Variants in PTBP3 observed in about 807,000 individuals in gnomAD.
PTBP3 encodes the protein polypyrimidine tract binding protein 3.
PTBP3 carries 20 observed loss-of-function variants against 58.7 expected under a neutral mutation model. The observed-to-expected ratio is 0.34, with a 90% CI of 0.24 to 0.50. The LOEUF is 0.50. Ranked by LOEUF, PTBP3 falls within the 20% of genes least tolerant of loss-of-function variation. The probability of loss-of-function intolerance (pLI) is 0.98; values close to 1 mark genes in which losing one functional copy is unlikely to be tolerated. For missense variants in PTBP3, 509 were observed against 637.2 expected (o/e 0.80, Z 2.17); for synonymous variants, 185 against 219.8 (o/e 0.84, Z 1.40).
rs1380485185 is a variant in PTBP3 at position 112,245,255 on chromosome 9, A to G, written c.802+5674T>C. ...AACCCAGGAGGCAAAGGCTGCAGCG[A>G]GCCCAGATTGTACCACTGCATTCCA... is the stretch of plus-strand genomic sequence containing the variant. On this transcript the variant is annotated intron_variant, in intron 7 of 13. Coordinates refer to ENST00000374257, the MANE Select transcript of PTBP3 (RefSeq NM_001163788.4). Among the ~76,000 whole-genome samples, 3 of 152,248 alleles carry G rather than the reference A, an allele frequency of 2.0e-5. No homozygotes were observed. The East Asian group carries it at 5.8e-4, about 29-fold the overall frequency.
intron 2 of PTBP3, among the ~76,000 whole-genome samples, chr9:112,291,497 T>C (rs377121660): frequency 1.3e-5 from 2 of 152,192 alleles, no homozygotes; most frequent in African/African-American, 4.8e-5. Context: ...TCAAACAGTA[T>C]GTTACTGACA....
Position 112,227,582 on chromosome 9 carries a change from C to A in PTBP3, c.1193G>T (p.Arg398Leu). Reference protein sequence around the residue: ...SGQRLYGKVLRATLSKHQAVQ... With the variant: ...SGQRLYGKVLLATLSKHQAVQ... ...TGCTTGATGTTTGGACAGTGTAGCA[C>A]GAAGCACTTTCCCATAAAGTCTCTG... The change falls in exon 12 of 14, where the codon CGT becomes CTT. Residue 398 changes from arginine (R) to leucine (L), a missense_variant. Physicochemically the swap from Arg to Leu is moderately radical, Grantham distance 102. Transcript: ENST00000374257. The A allele has an allele frequency of 1.9e-6, 3 of 1,613,842 alleles. No homozygotes were observed. Among genetic ancestry groups the A allele is most frequent in the Non-Finnish European group, 1.7e-6 (2 of 1,179,898 alleles).
At chr9:112,226,170 CATCTACTTTTA>C (rs1170626168) in intron 12 of PTBP3, among the ~76,000 whole-genome samples, 1 of 151,926 alleles carries the variant, frequency 6.6e-6, no homozygotes, top group African/African-American at 2.4e-5. Flanking sequence ...CGGTCCATGT[CATCTACTTTTA>C]ATCTACTTTT....
At chr9:112,259,848 G>C (rs1360108159) in intron 5 of PTBP3, among the ~76,000 whole-genome samples, 2 of 152,140 alleles carry the variant, frequency 1.3e-5, no homozygotes, top group Non-Finnish European at 2.9e-5. Context: ...TATGAAATTA[G>C]TGTCTTACCC....
In PTBP3 at chr9:112,299,019, A is replaced by G. The variant is rs143256771; in HGVS notation, c.-51-1103T>C. Among the ~76,000 whole-genome samples the G allele has an allele frequency of 6.6e-5, 10 of 152,278 alleles. No individual in the cohort carries two copies. The East Asian group carries it at 1.5e-3, about 23-fold the overall frequency. ...ACTTAAAGCACAGGTCTTCCTAATA[A>G]AATCTGAGATGTAGATATTATCAGG... On this transcript the variant is annotated intron_variant, in intron 1 of 13. Coordinates refer to ENST00000374257, the MANE Select transcript of PTBP3 (RefSeq NM_001163788.4).
chr9:112,230,043 A>T (rs1440057700), intron 10 of PTBP3, among the ~76,000 whole-genome samples: 1 of 152,210 alleles, frequency 6.6e-6, no homozygotes, highest in South Asian at 2.1e-4. Flanking sequence ...TCGGGCGTTG[A>T]AAATTTTCTA....
At chr9:112,337,341 C>T (rs4979103), upstream of PTBP3, among the ~76,000 whole-genome samples, 127,999 of 152,196 alleles carry the variant, frequency 0.84, 54,138 homozygotes, top group African/African-American at 0.93. Flanking sequence ...ATTCAAAGAA[C>T]TTATAGATTA....
chr9:112,227,889 G>GT (rs1051826660), intron 11 of PTBP3, among the ~76,000 whole-genome samples: 1 of 152,128 alleles, frequency 6.6e-6, no homozygotes, highest in African/African-American at 2.4e-5. Flanking sequence ...CTGGAACATA[G>GT]TAAGTATTCA....
the PTBP3 span, among the ~76,000 whole-genome samples, chr9:112,359,209 G>A: frequency 1.1e-3 from 174 of 152,010 alleles, 2 homozygotes; most frequent in East Asian, 0.032. Context: ...GGGAGGCCGA[G>A]GTGAGCGGAT....
chr9:112,288,683 C>CT (rs1163295760), intron 2 of PTBP3, among the ~76,000 whole-genome samples: 1 of 152,192 alleles, frequency 6.6e-6, no homozygotes, highest in Admixed American at 6.5e-5. Flanking sequence ...ATCTACAGAT[C>CT]TTTCACAAAT....
chr9:112,357,306 G>A, the PTBP3 span, among the ~76,000 whole-genome samples: 1 of 152,118 alleles, frequency 6.6e-6, no homozygotes, highest in Non-Finnish European at 1.5e-5. Context: ...ATTCCAATTT[G>A]TTAATTTCCA....
At chr9:112,351,960 T>C in the PTBP3 span, among the ~76,000 whole-genome samples, 3 of 152,098 alleles carry the variant, frequency 2.0e-5, no homozygotes, top group African/African-American at 4.8e-5. Context: ...CCTTTTTTTT[T>C]TTTCCCCCAA....
At chr9:112,247,436 G>C (rs969651651) in intron 7 of PTBP3, among the ~76,000 whole-genome samples, 2 of 151,406 alleles carry the variant, frequency 1.3e-5, no homozygotes, top group African/African-American at 2.4e-5. Context: ...TGTCATAAAA[G>C]ACATTATTTT....
chr9:112,223,831 G>A lies in PTBP3; in HGVS notation c.*20C>T, dbSNP rs763474445. The A allele has an allele frequency of 1.4e-5, 22 of 1,613,170 alleles. No homozygotes were observed. In the South Asian group the frequency reaches 2.1e-4, roughly 15 times the overall value. The stretch of plus-strand genomic sequence containing the variant: ...TACTGAAATTATGGTCCAGTTTTAG[G>A]AGAAAAATTCACAGAAAAGTCAGAT... On this transcript the variant is annotated 3_prime_UTR_variant, in exon 14 of 14. Transcript: ENST00000374257.
the PTBP3 span, among the ~76,000 whole-genome samples, chr9:112,351,633 T>C: frequency 6.6e-6 from 1 of 152,332 alleles, no homozygotes; most frequent in Non-Finnish European, 1.5e-5. Flanking sequence ...AGATGATTGG[T>C]CATTCTCCCT....
intron 6 of PTBP3, 148 bp downstream of exon 6, chr9:112,252,529 AC>A: frequency 6.3e-6 from 4 of 639,160 alleles, no homozygotes; most frequent in Non-Finnish European, 1.1e-5. Context: ...GAAAAAAAAA[AC>A]ATGGAATCAT....
intron 2 of PTBP3, among the ~76,000 whole-genome samples, chr9:112,285,808 T>C (rs1459623313): frequency 2.0e-5 from 3 of 152,234 alleles, no homozygotes; most frequent in Non-Finnish European, 4.4e-5. Context: ...AAGTGGGCAA[T>C]GGGATGGATT....
At chr9:112,377,392 T>C in the PTBP3 span, among the ~76,000 whole-genome samples, 7 of 152,144 alleles carry the variant, frequency 4.6e-5, no homozygotes, top group Non-Finnish European at 1.0e-4. Context: ...TAGACTGTCT[T>C]AGTATTTGAA....
chr9:112,256,282 TA>T (rs1836351273), intron 5 of PTBP3, among the ~76,000 whole-genome samples: 2 of 52,604 alleles, frequency 3.8e-5, no homozygotes, highest in Admixed American at 1.8e-4. Flanking sequence ...AATATATATA[TA>T]TATATATATA....
Sources: gnomAD v4.1 joint callset for allele counts (sites outside exome capture counted in the v4.1 genomes callset) on GRCh38, gnomAD v4.1.1 for gene constraint, MANE v1.5 for transcripts, NCBI Gene and HGNC (gene_info 2026-07-23, HGNC 2026-07-21) for gene names.